CYRIA: variants seen among roughly 807,000 people sequenced by gnomAD.
CYRIA encodes the protein CYFIP-related Rac1 interactor A.
CYRIA carries 15 observed loss-of-function variants against 43.9 expected under a neutral mutation model. The observed-to-expected ratio is 0.34, with a 90% CI of 0.23 to 0.53. The LOEUF (loss-of-function observed/expected upper bound fraction) is 0.53, where lower values mean the gene tolerates loss of function less well. CYRIA is among the 20% of genes least tolerant of loss of function. The pLI is 0.94. For missense variants in CYRIA, 236 were observed against 394.2 expected (o/e 0.60, Z 3.40); for synonymous variants, 117 against 136.0 (o/e 0.86, Z 0.97).
chr2:16,601,988 A>G (rs541126697), intron 2 of CYRIA, among the ~76,000 whole-genome samples: 116 of 152,328 alleles, frequency 7.6e-4, no homozygotes, highest in African/African-American at 2.8e-3. Context: ...CAAAATTTCA[A>G]TGCTCAACCT....
chr2:16,651,426 T>G (rs1203026459), intron 1 of CYRIA, among the ~76,000 whole-genome samples: 1 of 152,224 alleles, frequency 6.6e-6, no homozygotes, highest in African/African-American at 2.4e-5. Flanking sequence ...GGAAAAGTAT[T>G]TCTGACAGCT....
chr2:16,646,768 T>C (rs1045469010), intron 1 of CYRIA, among the ~76,000 whole-genome samples: 2 of 152,166 alleles, frequency 1.3e-5, no homozygotes, highest in African/African-American at 4.8e-5. Flanking sequence ...CTCTTTAATA[T>C]GGATGGGCCT....
intron 2 of CYRIA, among the ~76,000 whole-genome samples, chr2:16,588,417 T>G (rs1667810638): frequency 6.7e-6 from 1 of 150,058 alleles, no homozygotes; most frequent in African/African-American, 2.5e-5. Flanking sequence ...AGTCCATATC[T>G]CGTTCACCAT....
chr2:16,623,684 A>G (rs559746448), intron 2 of CYRIA, among the ~76,000 whole-genome samples, 180 bp downstream of exon 2: 59 of 152,302 alleles, frequency 3.9e-4, no homozygotes, highest in Non-Finnish European at 7.4e-4. Context: ...CTTAACCCTC[A>G]AAAGCCTCAA....
intron 3 of CYRIA, among the ~76,000 whole-genome samples, chr2:16,575,879 A>AAAT (rs1667326067): frequency 1.3e-5 from 1 of 78,774 alleles, no homozygotes; most frequent in African/African-American, 5.6e-5. Context: ...TAAATAAATA[A>AAAT]AATAAATAAA....
chr2:16,565,136 T>A lies in CYRIA; in HGVS notation c.192+510A>T, dbSNP rs537296469. Among the ~76,000 whole-genome samples the A allele has an allele frequency of 5.3e-5, 8 of 152,060 alleles. No homozygotes were observed. In the South Asian group the frequency reaches 1.5e-3, roughly 28 times the overall value. The stretch of plus-strand genomic sequence containing the variant: ...AATATTAATCTATAGCACTGTGTGC[T>A]CAGATTAATGCACTAGAATAAAAGG... On this transcript the variant is annotated intron_variant, in intron 4 of 11. Coordinates refer to ENST00000381323, the MANE Select transcript of CYRIA (RefSeq NM_030797.4).
chr2:16,551,941 T>C lies in CYRIA; in HGVS notation c.*995A>G, dbSNP rs1258837706. ...AGCTACTTTTTAAAAACCTGGGAAA[T>C]AGAAAACATGGATTTTTTTTCCCTC... On this transcript the variant is annotated 3_prime_UTR_variant, in exon 12 of 12. Coordinates refer to ENST00000381323, the MANE Select transcript of CYRIA (RefSeq NM_030797.4). The C allele has an allele frequency of 2.0e-5, 3 of 152,176 alleles. No homozygotes were observed. In the South Asian group the frequency reaches 6.2e-4, roughly 32 times the overall value. 9.4% of individuals were successfully genotyped at this position (152,176 alleles called of 1,614,324 possible).
At chr2:16,565,389 T>G (rs1362105569) in intron 4 of CYRIA, among the ~76,000 whole-genome samples, 1 of 152,168 alleles carries the variant, frequency 6.6e-6, no homozygotes, top group African/African-American at 2.4e-5. Flanking sequence ...TTTCACCATG[T>G]TGGCCAGCCT....
intron 2 of CYRIA, among the ~76,000 whole-genome samples, chr2:16,616,469 C>T (rs2103499470): frequency 6.6e-6 from 1 of 152,322 alleles, no homozygotes; most frequent in East Asian, 1.9e-4. Flanking sequence ...GCCTCTCACT[C>T]CCTCTGAGAG....
rs1327027367 is a variant in CYRIA, at chr2:16,553,009, G to A, written c.909-10C>T. The A allele has an allele frequency of 1.0e-5, 16 of 1,584,996 alleles. No individual in the cohort carries two copies. The African/African-American group carries it at 1.6e-4, about 16-fold the overall frequency. On this transcript the variant is annotated splice_polypyrimidine_tract_variant and intron_variant, in intron 11 of 11. Transcript: ENST00000381323. ...GTGCTTTGTAGTGAACCTGGATGGA[G>A]AGAGAATGGTAGAGGTTAGCGGCAA...
intron 1 of CYRIA, among the ~76,000 whole-genome samples, chr2:16,661,830 C>T (rs1226084984): frequency 1.3e-5 from 2 of 152,056 alleles, no homozygotes; most frequent in Non-Finnish European, 1.5e-5. Flanking sequence ...CTTCTAGACA[C>T]GAGGCAAGGG....
At chr2:16,587,155 A>C (rs941736024) in intron 3 of CYRIA, among the ~76,000 whole-genome samples, 1 of 152,146 alleles carries the variant, frequency 6.6e-6, no homozygotes, top group Non-Finnish European at 1.5e-5. Flanking sequence ...ATAATCAAAT[A>C]ATACATAAAG....
At position 16,650,922 on chromosome 2, in the gene CYRIA, T is replaced by G. The variant is rs1470605002; in HGVS notation, c.-167+14858A>C. 6.6e-6 allele frequency among the ~76,000 whole-genome samples: 1 copy of G among 152,180 alleles called. No homozygotes were observed. Among genetic ancestry groups the G allele is most frequent in the African/African-American group, 2.4e-5 (1 of 41,440 alleles). On this transcript the variant is annotated intron_variant, in intron 1 of 11. Transcript: ENST00000381323. The surrounding 1 kb of genome is among the most constrained non-coding windows in gnomAD (Gnocchi z 4.1). ...AACCTTATTGTTCTTTTTCTTTGCT[T>G]TATTATCTTCTTTCTCTCTTACTTT...
At chr2:16,563,056 T>A (rs766083628) in intron 5 of CYRIA, among the ~76,000 whole-genome samples, 1 of 152,314 alleles carries the variant, frequency 6.6e-6, no homozygotes, top group African/African-American at 2.4e-5. Flanking sequence ...TATTTCCATC[T>A]GTAAGAACAC....
chr2:16,557,352 TG>T (rs1264219939), intron 10 of CYRIA, among the ~76,000 whole-genome samples: 2 of 152,108 alleles, frequency 1.3e-5, no homozygotes, highest in Non-Finnish European at 2.9e-5. Context: ...CAGAGCTCAC[TG>T]CATGTCTATT....
chr2:16,664,360 G>A (rs1360475557), intron 1 of CYRIA, among the ~76,000 whole-genome samples: 1 of 152,126 alleles, frequency 6.6e-6, no homozygotes, highest in Non-Finnish European at 1.5e-5. Context: ...AAGTAGAAAG[G>A]AGAAATTAGA....
chr2:16,602,611 G>A (rs773620345), intron 2 of CYRIA, among the ~76,000 whole-genome samples: 3 of 151,996 alleles, frequency 2.0e-5, no homozygotes, highest in Non-Finnish European at 4.4e-5. Context: ...ATAATATACA[G>A]GCCCCCTACA....
In CYRIA at chr2:16,635,410, G is replaced by A. The variant is rs150908963; in HGVS notation, c.-166-11391C>T. Among the ~76,000 whole-genome samples the A allele has an allele frequency of 2.0e-4, 31 of 152,304 alleles. No individual in the cohort carries two copies. The East Asian group carries it at 5.8e-3, about 28-fold the overall frequency. ...GGGCAGTGGTGTAAAACATTGCCAC[G>A]GATGCTACAGGTTTACAATGCAAGG... On this transcript the variant is annotated intron_variant, in intron 1 of 11. Coordinates refer to ENST00000381323, the MANE Select transcript of CYRIA (RefSeq NM_030797.4).
intron 3 of CYRIA, among the ~76,000 whole-genome samples, chr2:16,576,842 A>T (rs562532361): frequency 4.4e-4 from 67 of 152,354 alleles, no homozygotes; most frequent in African/African-American, 1.6e-3. Context: ...TTAAAAAAAG[A>T]AGGAAATCCT....
Sources: gnomAD v4.1 joint callset for allele counts (sites outside exome capture counted in the v4.1 genomes callset) on GRCh38, gnomAD v4.1.1 for gene constraint, Gnocchi (gnomAD v3.1) non-coding constraint, MANE v1.5 for transcripts, NCBI Gene and HGNC (gene_info 2026-07-23, HGNC 2026-07-21) for gene names.